The following AGPAT4 variants were observed in gnomAD, a reference collection of about 807,000 sequenced individuals.
The protein encoded by AGPAT4 is 1-acyl-sn-glycerol-3-phosphate acyltransferase delta.
In AGPAT4, 15 loss-of-function variants were observed where a neutral mutation model predicts 48.0. The ratio of observed to expected loss-of-function variants is 0.31; its 90% confidence interval spans 0.21 to 0.48. The LOEUF is 0.48. Ranked by LOEUF, AGPAT4 falls within the 20% of genes least tolerant of loss-of-function variation. AGPAT4 has a pLI of 0.99. For missense variants in AGPAT4, 314 were observed against 482.5 expected (o/e 0.65, Z 3.27); for synonymous variants, 178 against 198.7 (o/e 0.90, Z 0.88).
rs112552218 is a variant in AGPAT4, at chr6:161,165,722, G to GAA, written c.348+524_348+525dup. 9.8e-4 allele frequency: 670 copies of GAA among 684,318 alleles called. No homozygotes were observed. Among genetic ancestry groups the GAA allele is most frequent in the Middle Eastern group, 1.1e-3 (3 of 2,700 alleles). The allele number at this position is 684,318 out of a possible 1,614,324, so 42.4% of individuals were successfully genotyped here. On this transcript the variant is annotated intron_variant, in intron 3 of 8. Coordinates refer to ENST00000320285, the MANE Select transcript of AGPAT4 (RefSeq NM_020133.3). This position sits in a 1 kb window ranked among gnomAD's most constrained non-coding sequence, Gnocchi z 5.5. ...ACGTGCAAGAGGTCAAACTAGTTGG[G>GAA]AAAAAAAAAAAACAGAATTTCAGAA...
At position 161,200,760 on chromosome 6, in the gene AGPAT4, C is replaced by T. The variant is rs1006743437; in HGVS notation, c.178+31276G>A. 2.0e-5 allele frequency among the ~76,000 whole-genome samples: 3 copies of T among 152,182 alleles called. No individual in the cohort carries two copies. Among genetic ancestry groups the T allele is most frequent in the East Asian group, 3.9e-4 (2 of 5,192 alleles). Reference sequence around the variant, plus strand: ...GGCTCCATCTGTTCCTGAAGCCATACGGTCCATGTGTTACACTGCCCCCGC... The same window carrying T: ...GGCTCCATCTGTTCCTGAAGCCATATGGTCCATGTGTTACACTGCCCCCGC... On this transcript the variant is annotated intron_variant, in intron 2 of 8. Coordinates refer to ENST00000320285, the MANE Select transcript of AGPAT4 (RefSeq NM_020133.3). This position sits in a 1 kb window ranked among gnomAD's most constrained non-coding sequence, Gnocchi z 5.5.
At chr6:161,253,011 C>T (rs897587110) in intron 1 of AGPAT4, among the ~76,000 whole-genome samples, 1 of 151,672 alleles carries the variant, frequency 6.6e-6, no homozygotes, top group Non-Finnish European at 1.5e-5. Flanking sequence ...GTCAGGAGAT[C>T]GAGACCATCC....
chr6:161,248,791 G>A (rs1390438846), intron 1 of AGPAT4, among the ~76,000 whole-genome samples: 3 of 152,000 alleles, frequency 2.0e-5, no homozygotes, highest in African/African-American at 7.3e-5. Flanking sequence ...AACTACCAAT[G>A]ACATTCTTCA....
At chr6:161,160,909 G>C (rs370129256) in intron 3 of AGPAT4, 1 of 428,154 alleles carries the variant, frequency 2.3e-6, no homozygotes, top group Non-Finnish European at 4.7e-6. Context: ...GAAAGTAATA[G>C]GAGCGATTGG....
In AGPAT4 at chr6:161,220,970, A is replaced by G. The variant is rs1781819098; in HGVS notation, c.178+11066T>C. The stretch of plus-strand genomic sequence containing the variant: ...GGCTAATTTTTTTTATTTTTAGTAG[A>G]GACGGGGTTTACCATGTTGGTCAGG... On this transcript the variant is annotated intron_variant, in intron 2 of 8. Coordinates refer to ENST00000320285, the MANE Select transcript of AGPAT4 (RefSeq NM_020133.3). The surrounding 1 kb of genome is among the most constrained non-coding windows in gnomAD (Gnocchi z 6.0). Among the ~76,000 whole-genome samples, 1 of 152,094 alleles carries G rather than the reference A, an allele frequency of 6.6e-6. No homozygotes were observed. Among genetic ancestry groups the G allele is most frequent in the East Asian group, 1.9e-4 (1 of 5,158 alleles).
rs1263711125 is a variant in AGPAT4, at chr6:161,146,243, T to C, written c.843+281A>G. On this transcript the variant is annotated intron_variant, in intron 7 of 8. Coordinates refer to ENST00000320285, the MANE Select transcript of AGPAT4 (RefSeq NM_020133.3). The surrounding 1 kb of genome is among the most constrained non-coding windows in gnomAD (Gnocchi z 7.1). ...TCCACCCCACAAGCACATCCTGCCT[T>C]AGGACCAGAGGCAGGAAAATACGAG... Among the ~76,000 whole-genome samples, 1 of 151,488 alleles carries C rather than the reference T, an allele frequency of 6.6e-6. No homozygotes were observed. The highest frequency in any genetic ancestry group is 1.5e-5 in the Non-Finnish European group (1 of 68,000).
At chr6:161,269,766 A>T (rs1783370667) in intron 1 of AGPAT4, among the ~76,000 whole-genome samples, 1 of 152,228 alleles carries the variant, frequency 6.6e-6, no homozygotes, top group South Asian at 2.1e-4. Context: ...TATAATATAC[A>T]GTGCCTGAGA....
In AGPAT4 at chr6:161,201,064, C is replaced by T. The variant is rs1781224852; in HGVS notation, c.178+30972G>A. ...GCCTGCCACCACGATTACAGCTCAG[C>T]CGAGGAAGTCATCATGAGCCGTGCG... is the stretch of plus-strand genomic sequence containing the variant. On this transcript the variant is annotated intron_variant, in intron 2 of 8. Coordinates refer to ENST00000320285, the MANE Select transcript of AGPAT4 (RefSeq NM_020133.3). This position sits in a 1 kb window ranked among gnomAD's most constrained non-coding sequence, Gnocchi z 6.0. 6.6e-6 allele frequency among the ~76,000 whole-genome samples: 1 copy of T among 152,172 alleles called. No homozygotes were observed. Among genetic ancestry groups the T allele is most frequent in the African/African-American group, 2.4e-5 (1 of 41,444 alleles).
At chr6:161,170,032 T>C (rs543884310) in intron 2 of AGPAT4, among the ~76,000 whole-genome samples, 60 of 152,304 alleles carry the variant, frequency 3.9e-4, no homozygotes, top group Non-Finnish European at 6.2e-4. Context: ...TTTTGCTCTG[T>C]GACCAAGATC....
At chr6:161,172,434 G>A (rs1205428388) in intron 2 of AGPAT4, among the ~76,000 whole-genome samples, 1 of 152,084 alleles carries the variant, frequency 6.6e-6, no homozygotes, top group East Asian at 1.9e-4. Flanking sequence ...TGTGGAGAGG[G>A]CATCCCAAGG....
chr6:161,256,337 T>C (rs1254054837), intron 1 of AGPAT4, among the ~76,000 whole-genome samples: 1 of 152,180 alleles, frequency 6.6e-6, no homozygotes. Context: ...ACCGCCACCA[T>C]CTAGAAGAAT....
chr6:161,182,278 A>C (rs1206066499), intron 2 of AGPAT4, among the ~76,000 whole-genome samples: 1 of 135,604 alleles, frequency 7.4e-6, no homozygotes, highest in Non-Finnish European at 1.6e-5. Flanking sequence ...CCCTCATCCC[A>C]GCACCTCATC....
At chr6:161,181,618 C>T (rs1044525750) in intron 2 of AGPAT4, among the ~76,000 whole-genome samples, 4 of 152,160 alleles carry the variant, frequency 2.6e-5, no homozygotes, top group Admixed American at 6.5e-5. Context: ...CGCTCTGTTG[C>T]CCAGGCTGGA....
Position 161,262,483 on chromosome 6 carries a change from T to C in AGPAT4, c.-90+11455A>G, listed in dbSNP as rs1335672153. On this transcript the variant is annotated intron_variant, in intron 1 of 8. Transcript: ENST00000320285. This position sits in a 1 kb window ranked among gnomAD's most constrained non-coding sequence, Gnocchi z 4.9. ...TATACTAGCTCATTCCTTTTTTTTT[T>C]CCCCCTCCTCATTATTCTCTCATAG... Among the ~76,000 whole-genome samples, 9 of 152,078 alleles carry C rather than the reference T, an allele frequency of 5.9e-5. No individual in the cohort carries two copies. The highest frequency in any genetic ancestry group is 2.1e-4 in the South Asian group (1 of 4,814).
Position 161,240,044 on chromosome 6 carries a change from C to A in AGPAT4, c.-89-7742G>T, listed in dbSNP as rs932517718. Among the ~76,000 whole-genome samples, 1 of 151,934 alleles carries A rather than the reference C, an allele frequency of 6.6e-6. No individual in the cohort carries two copies. The highest frequency in any genetic ancestry group is 2.4e-5 in the African/African-American group (1 of 41,348). ...AAAAAACTGAATTATGGAAGACCCA[C>A]CAAATGGAATAGGTGAAGTGTCACT... On this transcript the variant is annotated intron_variant, in intron 1 of 8. Coordinates refer to ENST00000320285, the MANE Select transcript of AGPAT4 (RefSeq NM_020133.3). This position sits in a 1 kb window ranked among gnomAD's most constrained non-coding sequence, Gnocchi z 5.5.
intron 2 of AGPAT4, among the ~76,000 whole-genome samples, chr6:161,205,495 A>G (rs1433242945): frequency 6.6e-6 from 1 of 152,184 alleles, no homozygotes. Context: ...AGCCAGAGAG[A>G]GCAGAGGCAC....
At chr6:161,203,099 A>C (rs546011460) in intron 2 of AGPAT4, among the ~76,000 whole-genome samples, 1 of 152,164 alleles carries the variant, frequency 6.6e-6, no homozygotes, top group South Asian at 2.1e-4. Flanking sequence ...GGCACAATGA[A>C]ATGATTATTT....
In AGPAT4 at chr6:161,259,391, G is replaced by A. The variant is rs1269825106; in HGVS notation, c.-90+14547C>T. ...ACTGAGATAGTCCTAATATGACCTT[G>A]GCTGTCCGCAGCGCGTATGCTTTGA... is the stretch of plus-strand genomic sequence containing the variant. On this transcript the variant is annotated intron_variant, in intron 1 of 8. Transcript: ENST00000320285. This position sits in a 1 kb window ranked among gnomAD's most constrained non-coding sequence, Gnocchi z 4.9. Among the ~76,000 whole-genome samples the A allele has an allele frequency of 1.3e-5, 2 of 152,036 alleles. No homozygotes were observed. The highest frequency in any genetic ancestry group is 1.3e-4 in the Admixed American group (2 of 15,262).
Position 161,136,650 on chromosome 6 carries a change from G to T in AGPAT4, c.1043-16C>A. On this transcript the variant is annotated splice_polypyrimidine_tract_variant and intron_variant, in intron 8 of 8. Transcript: ENST00000320285. ...CCCACGGAGGCTGCAGAGACAAGGAGAGCAGAGTTAGGAGTAGCCCAAACA... is the reference window on the plus strand; with the variant it reads ...CCCACGGAGGCTGCAGAGACAAGGATAGCAGAGTTAGGAGTAGCCCAAACA... The T allele has an allele frequency of 6.2e-7, 1 of 1,612,218 alleles. No homozygotes were observed. Among genetic ancestry groups the T allele is most frequent in the South Asian group, 1.1e-5 (1 of 91,046 alleles).
Sources: allele counts gnomAD v4.1 joint callset (sites outside exome capture counted in the v4.1 genomes callset), GRCh38; gene constraint gnomAD v4.1.1; non-coding constraint Gnocchi (gnomAD v3.1); transcripts MANE v1.5; gene names NCBI Gene and HGNC (gene_info 2026-07-23, HGNC 2026-07-21).